Variants in MOCOS observed in about 807,000 individuals in gnomAD.
MOCOS encodes human molybdenum cofactor sulfurase.
In MOCOS, 86 loss-of-function variants were observed where a neutral mutation model predicts 83.6. That is an observed-to-expected ratio of 1.03 (90% CI 0.86 to 1.23). The LOEUF (loss-of-function observed/expected upper bound fraction) is 1.23, where lower values mean the gene tolerates loss of function less well. Ranked by LOEUF, MOCOS falls within the 50% of genes most tolerant of loss-of-function variation. The pLI is 0.00. For missense variants in MOCOS, 1,120 were observed against 1,126.9 expected, an observed-to-expected ratio of 0.99 and a Z score of 0.09; for synonymous variants, 445 against 434.7, an observed-to-expected ratio of 1.02 and a Z score of -0.29.
intron 9 of MOCOS, among the ~76,000 whole-genome samples, chr18:36,235,706 A>G (rs984589576): frequency 6.6e-6 from 1 of 151,742 alleles, no homozygotes; most frequent in Non-Finnish European, 1.5e-5. Flanking sequence ...GAATCGCCAC[A>G]CTGACTTCCA....
chr18:36,197,618 A>T (rs529757345), intron 2 of MOCOS, among the ~76,000 whole-genome samples: 1 of 152,224 alleles, frequency 6.6e-6, no homozygotes, highest in South Asian at 2.1e-4. Flanking sequence ...CAAAAATTTT[A>T]AAAAATCAGC....
At chr18:36,243,767 C>T (rs684632) in intron 9 of MOCOS, among the ~76,000 whole-genome samples, 87,437 of 151,784 alleles carry the variant, frequency 0.58, 26,016 homozygotes, top group African/African-American at 0.7. Context: ...ATGTTGGCAG[C>T]TTTTTTATTA....
In MOCOS at chr18:36,200,129, A is replaced by G. The variant is rs749021823; in HGVS notation, c.746A>G (p.Asp249Gly). The change falls in exon 4 of 15, where the codon GAC becomes GGC. Residue 249 changes from aspartate to glycine, a missense_variant. By Grantham distance (94) the Asp-to-Gly change is moderately conservative. Transcript: ENST00000261326. ...AASYVSTSPL[D>G]LSAHQADFVP... is the part of the protein sequence containing the mutation. ...TCCTACGTGAGCACCTCGCCTTTGG[A>G]CCTGTCAGCTCACCAGGCCGACTTT... 2.5e-6 allele frequency: 4 copies of G among 1,613,958 alleles called. No homozygotes were observed. In the East Asian group the frequency reaches 6.7e-5, roughly 27 times the overall value.
intron 9 of MOCOS, among the ~76,000 whole-genome samples, chr18:36,241,130 G>T (rs2091581010): frequency 6.6e-6 from 1 of 152,086 alleles, no homozygotes; most frequent in South Asian, 2.1e-4. Flanking sequence ...GACCGGAGCT[G>T]TTCCTATTCG....
intron 11 of MOCOS, among the ~76,000 whole-genome samples, chr18:36,255,216 C>T (rs1305568133): frequency 6.6e-6 from 1 of 152,102 alleles, no homozygotes; most frequent in Non-Finnish European, 1.5e-5. Flanking sequence ...TGCTCAGCCT[C>T]GGGTCTCTTC....
chr18:36,219,641 T>C (rs1214985831), intron 8 of MOCOS, among the ~76,000 whole-genome samples: 1 of 152,120 alleles, frequency 6.6e-6, no homozygotes, highest in Non-Finnish European at 1.5e-5. Context: ...ATTGCACCAC[T>C]ACACTCCAGC....
At chr18:36,255,687 C>T (rs1019959029) in intron 11 of MOCOS, among the ~76,000 whole-genome samples, 8 of 152,058 alleles carry the variant, frequency 5.3e-5, no homozygotes, top group Non-Finnish European at 1.2e-4. Flanking sequence ...TATCCGTTTG[C>T]GTCTACTCTG....
At chr18:36,241,627 G>T (rs1455184131) in intron 9 of MOCOS, among the ~76,000 whole-genome samples, 1 of 152,222 alleles carries the variant, frequency 6.6e-6, no homozygotes, top group Admixed American at 6.5e-5. Flanking sequence ...CAGTGCCCCT[G>T]TGGGGACTCT....
At chr18:36,232,894 T>G (rs890538249) in intron 9 of MOCOS, among the ~76,000 whole-genome samples, 3 of 136,616 alleles carry the variant, frequency 2.2e-5, no homozygotes, top group African/African-American at 7.9e-5. Context: ...ACACACCATT[T>G]TCTTTATCCA....
In MOCOS at chr18:36,249,015, C is replaced by G; in HGVS notation, c.2039+15C>G. 1 of 1,611,408 alleles carries G rather than the reference C, an allele frequency of 6.2e-7. No individual in the cohort carries two copies. On this transcript the variant is annotated intron_variant, in intron 10 of 14. Coordinates refer to ENST00000261326, the MANE Select transcript of MOCOS (RefSeq NM_017947.4). Reference sequence around the variant, plus strand: ...TGTGCTGACAGGTGAGACTCTGAAGCACGTGAAAATCTCAGCTTTATTGAC... The same window carrying G: ...TGTGCTGACAGGTGAGACTCTGAAGGACGTGAAAATCTCAGCTTTATTGAC...
intron 1 of MOCOS, 69 bp downstream of exon 1, chr18:36,187,750 T>A (rs917697847): frequency 6.5e-6 from 8 of 1,239,776 alleles, no homozygotes; most frequent in Non-Finnish European, 8.1e-6. Context: ...CTTTTGCTCC[T>A]AGTGAGAGCG....
At chr18:36,245,575 C>T (rs2091599429) in intron 9 of MOCOS, among the ~76,000 whole-genome samples, 1 of 152,160 alleles carries the variant, frequency 6.6e-6, no homozygotes, top group Non-Finnish European at 1.5e-5. Context: ...TTCATCTTGA[C>T]TTTAGCTAAC....
At chr18:36,267,658 T>A (rs1655937363) in intron 14 of MOCOS, among the ~76,000 whole-genome samples, 1 of 152,180 alleles carries the variant, frequency 6.6e-6, no homozygotes, top group South Asian at 2.1e-4. Context: ...CAGCAGCATG[T>A]CTGTCAATGC....
intron 9 of MOCOS, among the ~76,000 whole-genome samples, chr18:36,226,449 T>TG (rs1046889442): frequency 7.9e-5 from 12 of 151,602 alleles, no homozygotes; most frequent in African/African-American, 2.9e-4. Context: ...AGCATACAGT[T>TG]GGGTTTTTTT....
chr18:36,242,888 G>A (rs2091589050), intron 9 of MOCOS, among the ~76,000 whole-genome samples: 1 of 152,184 alleles, frequency 6.6e-6, no homozygotes, highest in African/African-American at 2.4e-5. Context: ...TTTGGATGGG[G>A]ACATAGAGCC....
chr18:36,229,069 CTTTAT>C (rs1471714521), intron 9 of MOCOS, among the ~76,000 whole-genome samples: 1 of 151,796 alleles, frequency 6.6e-6, no homozygotes, highest in Non-Finnish European at 1.5e-5. Context: ...GTCTTTTGAC[CTTTAT>C]GCTAGGATTA....
At chr18:36,205,709 G>C (rs1378280144) in intron 6 of MOCOS, among the ~76,000 whole-genome samples, 1 of 152,074 alleles carries the variant, frequency 6.6e-6, no homozygotes, top group Non-Finnish European at 1.5e-5. Flanking sequence ...AGACGGTGCT[G>C]GTTTTTCCTT....
intron 8 of MOCOS, among the ~76,000 whole-genome samples, chr18:36,217,152 G>A (rs2091478937): frequency 6.6e-6 from 1 of 152,114 alleles, no homozygotes; most frequent in African/African-American, 2.4e-5. Context: ...TCAGGTCAAT[G>A]GTAATTCCTA....
chr18:36,199,835 G>A lies in MOCOS; in HGVS notation c.452G>A (p.Ser151Asn), dbSNP rs774850028. ...SGSRFCYLTD[S>N]HTSVVGMRNV... is the part of the protein sequence containing the mutation. ...AGTCGCTTCTGTTACCTCACCGACAGCCACACCTCCGTAGTGGGTATGCGG... is the reference window on the plus strand; with the variant it reads ...AGTCGCTTCTGTTACCTCACCGACAACCACACCTCCGTAGTGGGTATGCGG... The change falls in exon 4 of 15, where the codon AGC (serine) becomes AAC (asparagine). Residue 151 changes from serine to asparagine, a missense_variant. Transcript: ENST00000261326. 1 of 1,613,846 alleles carries A rather than the reference G, an allele frequency of 6.2e-7. No individual in the cohort carries two copies. Among genetic ancestry groups the A allele is most frequent in the Admixed American group, 1.7e-5 (1 of 59,996 alleles).
Sources: allele counts gnomAD v4.1 joint callset (sites outside exome capture counted in the v4.1 genomes callset), GRCh38; gene constraint gnomAD v4.1.1; transcripts MANE v1.5; gene names NCBI Gene and HGNC (gene_info 2026-07-23, HGNC 2026-07-21).